The following RPH3A variants were observed in gnomAD, a reference collection of about 807,000 sequenced individuals.
RPH3A encodes the protein rabphilin-3A.
A neutral mutation model predicts 102.2 loss-of-function variants in RPH3A; 48 were observed. That is an observed-to-expected ratio of 0.47 (90% CI 0.37 to 0.60). The LOEUF (loss-of-function observed/expected upper bound fraction) is 0.60. Among genes scored for constraint, RPH3A ranks in the 20% least tolerant of loss-of-function variants. The pLI is 0.00. For synonymous variants in RPH3A, 310 were observed against 324.3 expected, an observed-to-expected ratio of 0.96 and a Z score of 0.47; for missense variants, 781 against 910.1, an observed-to-expected ratio of 0.86 and a Z score of 1.83.
intron 1 of RPH3A, among the ~76,000 whole-genome samples, chr12:112,749,984 G>A (rs2040775586): frequency 6.6e-6 from 1 of 152,132 alleles, no homozygotes; most frequent in South Asian, 2.1e-4. Flanking sequence ...ATGCATTCCT[G>A]TCTGGTCACT....
intron 4 of RPH3A, among the ~76,000 whole-genome samples, chr12:112,838,939 C>A (rs529607623): frequency 6.6e-6 from 1 of 152,236 alleles, no homozygotes; most frequent in East Asian, 1.9e-4. Flanking sequence ...TCATGGTGCA[C>A]CAGAGCAGGT....
At chr12:112,640,779 T>G (rs1328974654) in intron 1 of RPH3A, among the ~76,000 whole-genome samples, 2 of 152,180 alleles carry the variant, frequency 1.3e-5, no homozygotes, top group Non-Finnish European at 2.9e-5. Flanking sequence ...TGAAGAATGA[T>G]GAACATGACA....
Position 112,606,531 on chromosome 12 carries a change from C to T in RPH3A, c.-140+31212C>T, listed in dbSNP as rs115050485. On this transcript the variant is annotated intron_variant, in intron 1 of 21. Transcript: ENST00000543106. ...TGAGTAGCTGGGATTACAGTGCCCG[C>T]CACTATGGCTGGCTAATTTTTGGAT... Among the ~76,000 whole-genome samples the T allele has an allele frequency of 7.4e-3, 1,119 of 152,144 alleles. 11 individuals carry two copies. Among genetic ancestry groups the T allele is most frequent in the African/African-American group, 0.026 (1,062 of 41,484 alleles).
intron 1 of RPH3A, among the ~76,000 whole-genome samples, chr12:112,729,685 T>G (rs970499993): frequency 6.6e-6 from 1 of 152,208 alleles, no homozygotes; most frequent in Non-Finnish European, 1.5e-5. Context: ...TAACTCGTAA[T>G]CCAGTTAGCT....
intron 1 of RPH3A, among the ~76,000 whole-genome samples, chr12:112,699,359 C>G (rs1397912068): frequency 1.3e-5 from 2 of 152,182 alleles, no homozygotes; most frequent in Non-Finnish European, 2.9e-5. Flanking sequence ...TTCATAATTC[C>G]TTAAATCTGG....
At chr12:112,688,913 G>T (rs1471270143) in intron 1 of RPH3A, among the ~76,000 whole-genome samples, 1 of 152,088 alleles carries the variant, frequency 6.6e-6, no homozygotes, top group African/African-American at 2.4e-5. Flanking sequence ...TCCCAGAGAG[G>T]GGATGTATCT....
At chr12:112,753,574 T>C (rs2040800201) in intron 1 of RPH3A, among the ~76,000 whole-genome samples, 1 of 152,142 alleles carries the variant, frequency 6.6e-6, no homozygotes, top group African/African-American at 2.4e-5. Context: ...TGGTGAAAAA[T>C]AAAGTATTAT....
In RPH3A at chr12:112,876,631, T is replaced by C; in HGVS notation, c.947-11T>C. The C allele has an allele frequency of 1.3e-6, 2 of 1,579,840 alleles. No homozygotes were observed. The highest frequency in any genetic ancestry group is 2.3e-5 in the East Asian group (1 of 43,684). On this transcript the variant is annotated splice_polypyrimidine_tract_variant and intron_variant, in intron 12 of 21. Coordinates refer to ENST00000389385, the MANE Select transcript of RPH3A (RefSeq NM_001143854.2). ...TGCAGCTGCATGTTTCCTGTCCTTA[T>C]CTCCCTGCAGAGGTGGCTCCGAGCG...
intron 1 of RPH3A, among the ~76,000 whole-genome samples, chr12:112,778,554 C>T (rs1422361483): frequency 6.6e-6 from 1 of 152,124 alleles, no homozygotes. Flanking sequence ...AAAACAACAA[C>T]AACAAAAGGC....
chr12:112,814,965 C>T lies in RPH3A; in HGVS notation c.-18-13336C>T, dbSNP rs143164227. Reference sequence around the variant, plus strand: ...TATTAGCTGTGTTATCTGGGCAAGTCCTTAACGTCTCTAGGCTTGGAGGGG... The same window carrying T: ...TATTAGCTGTGTTATCTGGGCAAGTTCTTAACGTCTCTAGGCTTGGAGGGG... On this transcript the variant is annotated intron_variant, in intron 2 of 21. Coordinates refer to ENST00000389385, the MANE Select transcript of RPH3A (RefSeq NM_001143854.2). Among the ~76,000 whole-genome samples, 760 of 152,290 alleles carry T rather than the reference C, an allele frequency of 5.0e-3. 3 individuals carry two copies. The highest frequency in any genetic ancestry group is 0.012 in the Admixed American group (184 of 15,294).
intron 19 of RPH3A, 89 bp from the exon 20 acceptor site, chr12:112,894,489 C>T (rs2043147962): frequency 1.4e-5 from 15 of 1,094,292 alleles, no homozygotes; most frequent in Non-Finnish European, 2.0e-5. Context: ...TTCATCAATT[C>T]ACCCTGATAA....
chr12:112,783,181 C>T (rs551925964), intron 1 of RPH3A, among the ~76,000 whole-genome samples: 5 of 152,096 alleles, frequency 3.3e-5, no homozygotes, highest in Non-Finnish European at 7.4e-5. Context: ...TGTCGTGTCA[C>T]GTTAGGATTA....
intron 2 of RPH3A, among the ~76,000 whole-genome samples, chr12:112,826,525 C>T (rs892497202): frequency 1.3e-5 from 2 of 152,106 alleles, no homozygotes; most frequent in Non-Finnish European, 2.9e-5. Context: ...TGGTTAGTGG[C>T]CACCCAGATC....
At chr12:112,836,120 C>A (rs1041936956) in intron 3 of RPH3A, among the ~76,000 whole-genome samples, 1 of 152,184 alleles carries the variant, frequency 6.6e-6, no homozygotes, top group Admixed American at 6.5e-5. Context: ...GATTGCTCTA[C>A]CTAGTATGGT....
intron 5 of RPH3A, among the ~76,000 whole-genome samples, chr12:112,860,257 C>G (rs974226511): frequency 4.6e-5 from 7 of 152,350 alleles, no homozygotes; most frequent in Admixed American, 3.9e-4. Flanking sequence ...TCAGTCTTCT[C>G]AGGGAGAAGG....
chr12:112,859,284 G>T (rs905402372), intron 5 of RPH3A, among the ~76,000 whole-genome samples: 1 of 152,190 alleles, frequency 6.6e-6, no homozygotes, highest in African/African-American at 2.4e-5. Flanking sequence ...ATTAGAAGAG[G>T]TTTTTTCAAG....
chr12:112,750,406 G>A (rs1350854681), intron 1 of RPH3A, among the ~76,000 whole-genome samples: 1 of 152,184 alleles, frequency 6.6e-6, no homozygotes, highest in Non-Finnish European at 1.5e-5. Flanking sequence ...GACAACTGGA[G>A]CTTAATCCCA....
At chr12:112,631,096 A>T (rs938976041) in intron 1 of RPH3A, among the ~76,000 whole-genome samples, 3 of 152,136 alleles carry the variant, frequency 2.0e-5, no homozygotes, top group Admixed American at 1.3e-4. Flanking sequence ...ACAGGTGCAC[A>T]GTGGGTAACT....
intron 10 of RPH3A, 187 bp from the exon 11 acceptor site, chr12:112,874,897 A>G (rs2042767194): frequency 1.8e-6 from 1 of 564,180 alleles, no homozygotes; most frequent in Non-Finnish European, 3.1e-6. Flanking sequence ...GACTCACCAG[A>G]GTCTGAGTAT....
Sources: gnomAD v4.1 joint callset for allele counts (sites outside exome capture counted in the v4.1 genomes callset) on GRCh38, gnomAD v4.1.1 for gene constraint, MANE v1.5 for transcripts, NCBI Gene and HGNC (gene_info 2026-07-23, HGNC 2026-07-21) for gene names.